Variants in ABCC4 observed in about 807,000 individuals in gnomAD.
The protein encoded by ABCC4 is ATP-binding cassette sub-family C member 4.
ABCC4 carries 102 observed loss-of-function variants against 168.5 expected under a neutral mutation model. The ratio of observed to expected loss-of-function variants is 0.61; its 90% confidence interval spans 0.52 to 0.71. The LOEUF is 0.71. ABCC4 is among the 30% of genes least tolerant of loss of function. The pLI, the probability that ABCC4 is intolerant of heterozygous loss-of-function variation, is 0.00. For missense variants in ABCC4, 1,402 were observed against 1,605.8 expected (o/e 0.87, Z 2.17); for synonymous variants, 617 against 590.7 (o/e 1.04, Z -0.65).
At chr13:95,041,540 C>A (rs1217015469) in intron 29 of ABCC4, among the ~76,000 whole-genome samples, 1 of 152,176 alleles carries the variant, frequency 6.6e-6, no homozygotes, top group East Asian at 1.9e-4. Flanking sequence ...TCTGTCACTT[C>A]CCCAGCCACT....
rs57517042 is a variant in ABCC4, at chr13:95,061,594, TTGTGTGTGTGTGTGTG to T, written c.3366+1094_3366+1109del. 3.5e-3 allele frequency among the ~76,000 whole-genome samples: 467 copies of T among 133,916 alleles called. 6 individuals are homozygous for T. The highest frequency in any genetic ancestry group is 0.011 in the Middle Eastern group (3 of 278). 87.9% of individuals were successfully genotyped at this position (133,916 alleles called of 152,430 possible). On this transcript the variant is annotated intron_variant, in intron 26 of 30. Coordinates refer to ENST00000645237, the MANE Select transcript of ABCC4 (RefSeq NM_005845.5). The stretch of plus-strand genomic sequence containing the variant: ...TGTTTCTCTTCTCCAGAATATGTGT[TTGTGTGTGTGTGTGTG>T]TGTGTGTGTGTGTGTGTGTGTGTGT...
intron 1 of ABCC4, among the ~76,000 whole-genome samples, chr13:95,298,653 A>G (rs1053912482): frequency 2.0e-5 from 3 of 152,220 alleles, no homozygotes; most frequent in African/African-American, 7.2e-5. Context: ...GAGAAACTCT[A>G]GCCTTCCAGA....
chr13:95,192,033 C>T (rs1179604304), intron 9 of ABCC4, among the ~76,000 whole-genome samples: 1 of 152,234 alleles, frequency 6.6e-6, no homozygotes, highest in East Asian at 1.9e-4. Flanking sequence ...AGCCCCCACT[C>T]TGTGGGCCCT....
intron 20 of ABCC4, among the ~76,000 whole-genome samples, chr13:95,087,671 T>C (rs2034301665): frequency 6.6e-6 from 1 of 152,158 alleles, no homozygotes; most frequent in Non-Finnish European, 1.5e-5. Flanking sequence ...ACAGGATGAA[T>C]AGAAGCAAAA....
At position 95,170,646 on chromosome 13, in the gene ABCC4, A is replaced by G; in HGVS notation, c.1728-18T>C. On this transcript the variant is annotated intron_variant, in intron 13 of 30. Coordinates refer to ENST00000645237, the MANE Select transcript of ABCC4 (RefSeq NM_005845.5). Reference sequence around the variant, plus strand: ...AAATACACCTATAAATGTAAAAGGCACAGGGTGAAAAAATGCATGAATGGG... The same window carrying G: ...AAATACACCTATAAATGTAAAAGGCGCAGGGTGAAAAAATGCATGAATGGG... The G allele has an allele frequency of 6.5e-7, 1 of 1,536,744 alleles. No homozygotes were observed. Among genetic ancestry groups the G allele is most frequent in the Non-Finnish European group, 8.9e-7 (1 of 1,119,060 alleles).
intron 4 of ABCC4, among the ~76,000 whole-genome samples, chr13:95,227,290 G>A (rs1440906212): frequency 1.3e-5 from 2 of 152,148 alleles, no homozygotes; most frequent in African/African-American, 4.8e-5. Context: ...CTCCTCTTAA[G>A]CTATTCCCTA....
intron 29 of ABCC4, among the ~76,000 whole-genome samples, chr13:95,038,609 C>T (rs892488197): frequency 2.0e-5 from 3 of 152,060 alleles, no homozygotes; most frequent in African/African-American, 7.2e-5. Context: ...ATTCCAGATG[C>T]CGAGAGGTCT....
intron 3 of ABCC4, among the ~76,000 whole-genome samples, chr13:95,237,054 C>T (rs1033797815): frequency 6.6e-6 from 1 of 152,166 alleles, no homozygotes; most frequent in East Asian, 1.9e-4. Context: ...TCACTGTTAC[C>T]TGTTACACGC....
intron 19 of ABCC4, among the ~76,000 whole-genome samples, chr13:95,129,432 A>G (rs1171858008): frequency 1.3e-5 from 2 of 152,198 alleles, no homozygotes; most frequent in Non-Finnish European, 2.9e-5. Flanking sequence ...TTATTTTTTC[A>G]GATGGACTGC....
chr13:95,218,028 A>G (rs2039174095), intron 4 of ABCC4, among the ~76,000 whole-genome samples: 1 of 152,342 alleles, frequency 6.6e-6, no homozygotes, highest in Admixed American at 6.5e-5. Flanking sequence ...GTAAAGTCAG[A>G]GTAAAAACGT....
chr13:95,092,791 C>T (rs1055857951), intron 20 of ABCC4, among the ~76,000 whole-genome samples: 19 of 152,016 alleles, frequency 1.2e-4, no homozygotes, highest in African/African-American at 4.6e-4. Context: ...AAACAAAAAG[C>T]TGGTTTTTTG....
At position 95,235,058 on chromosome 13, in the gene ABCC4, A is replaced by T. The variant is rs962661992; in HGVS notation, c.307-224T>A. ...AGTGCACACCATCATGTAGAGCTAA[A>T]TTTTTTTTTTTTGGTCAAGACAGGG... On this transcript the variant is annotated intron_variant, in intron 3 of 30. Transcript: ENST00000645237. Among the ~76,000 whole-genome samples, 19 of 145,878 alleles carry T rather than the reference A, an allele frequency of 1.3e-4. No individual in the cohort carries two copies. In the East Asian group the frequency reaches 2.4e-3, roughly 18 times the overall value.
intron 8 of ABCC4, among the ~76,000 whole-genome samples, chr13:95,203,983 TG>T (rs911992425): frequency 6.6e-6 from 1 of 152,174 alleles, no homozygotes; most frequent in African/African-American, 2.4e-5. Context: ...CAGCATTTGG[TG>T]CCCATTATGT....
chr13:95,298,617 C>G (rs1355199409), intron 1 of ABCC4, among the ~76,000 whole-genome samples: 1 of 152,204 alleles, frequency 6.6e-6, no homozygotes, highest in Non-Finnish European at 1.5e-5. Flanking sequence ...TCATCTCCAA[C>G]TGCAGGTACT....
chr13:95,250,881 G>T (rs2040239102), intron 1 of ABCC4, among the ~76,000 whole-genome samples: 1 of 147,010 alleles, frequency 6.8e-6, no homozygotes, highest in Non-Finnish European at 1.5e-5. Context: ...TCAAACTTCT[G>T]AATTCAAGCA....
intron 1 of ABCC4, among the ~76,000 whole-genome samples, chr13:95,263,401 T>C (rs1200725042): frequency 6.6e-6 from 1 of 152,182 alleles, no homozygotes; most frequent in East Asian, 1.9e-4. Flanking sequence ...CAACTGTATA[T>C]GTATATGTGT....
At chr13:95,248,625 T>C (rs921464863) in intron 1 of ABCC4, among the ~76,000 whole-genome samples, 1 of 152,210 alleles carries the variant, frequency 6.6e-6, no homozygotes, top group Non-Finnish European at 1.5e-5. Flanking sequence ...ATAATTAACA[T>C]GCACCAGGCA....
chr13:95,129,830 T>C (rs2035899530), intron 19 of ABCC4, among the ~76,000 whole-genome samples: 1 of 152,100 alleles, frequency 6.6e-6, no homozygotes, highest in Non-Finnish European at 1.5e-5. Flanking sequence ...ATTCCAGCAC[T>C]TTGCGAGGCC....
rs536835855 is a variant in ABCC4 at position 95,117,779 on chromosome 13, T to TA, written c.2456-1779dup. ...AAAAAGTTGAAAGCAATATTCAAAT[T>TA]AAAAAAAAAAAAAAGATAGGCCAGG... is the stretch of plus-strand genomic sequence containing the variant. On this transcript the variant is annotated intron_variant, in intron 19 of 30. Coordinates refer to ENST00000645237, the MANE Select transcript of ABCC4 (RefSeq NM_005845.5). Among the ~76,000 whole-genome samples the TA allele has an allele frequency of 5.8e-3, 796 of 137,562 alleles. 1 individual carries two copies. The highest frequency in any genetic ancestry group is 0.014 in the African/African-American group (529 of 37,492). The allele number at this position is 137,562 out of a possible 152,430, so 90.2% of individuals were successfully genotyped here.
Sources: gnomAD v4.1 joint callset for allele counts (sites outside exome capture counted in the v4.1 genomes callset) on GRCh38, gnomAD v4.1.1 for gene constraint, MANE v1.5 for transcripts, NCBI Gene and HGNC (gene_info 2026-07-23, HGNC 2026-07-21) for gene names.